The following MPP7 variants were observed in gnomAD, a reference collection of about 807,000 sequenced individuals.
MPP7 encodes MAGUK p55 subfamily member 7.
In MPP7, 60 loss-of-function variants were observed where a neutral mutation model predicts 76.5. The observed-to-expected ratio is 0.78, with a 90% CI of 0.64 to 0.97. The LOEUF (loss-of-function observed/expected upper bound fraction) is 0.97. Ranked by LOEUF, MPP7 falls within the 50% of genes least tolerant of loss-of-function variation. The pLI, the probability that MPP7 is intolerant of heterozygous loss-of-function variation, is 0.00. For missense variants in MPP7, 641 were observed against 694.0 expected (o/e 0.92, Z 0.86); for synonymous variants, 237 against 244.5 (o/e 0.97, Z 0.29).
chr10:28,167,755 C>T (rs1050979213), intron 3 of MPP7, among the ~76,000 whole-genome samples: 2 of 152,094 alleles, frequency 1.3e-5, no homozygotes, highest in Non-Finnish European at 2.9e-5. Flanking sequence ...AATATTTTTA[C>T]GTTAACATCA....
intron 3 of MPP7, among the ~76,000 whole-genome samples, chr10:28,151,213 G>A (rs545548280): frequency 8.3e-4 from 126 of 152,296 alleles, no homozygotes; most frequent in Middle Eastern, 3.4e-3. Context: ...AGTACACAAT[G>A]TAAAGCTTCA....
chr10:28,118,365 T>G (rs1834723826), intron 11 of MPP7: 2 of 977,954 alleles, frequency 2.0e-6, no homozygotes, highest in African/African-American at 3.5e-5. Context: ...ATTTCTAAGT[T>G]GCCTAGGACT....
chr10:28,217,466 G>A (rs1365726819), intron 2 of MPP7, among the ~76,000 whole-genome samples: 2 of 150,760 alleles, frequency 1.3e-5, no homozygotes, highest in East Asian at 4.0e-4. Flanking sequence ...GGCAGAGGTT[G>A]CAGTGAGCCG....
chr10:28,260,068 C>T (rs549341664), intron 1 of MPP7, among the ~76,000 whole-genome samples: 65 of 152,288 alleles, frequency 4.3e-4, no homozygotes, highest in African/African-American at 1.5e-3. Flanking sequence ...CATGTCCATA[C>T]TTAGGAAACA....
chr10:28,062,531 A>ACACAC (rs1851828914), intron 13 of MPP7, among the ~76,000 whole-genome samples: 1 of 132,298 alleles, frequency 7.6e-6, no homozygotes, highest in Non-Finnish European at 1.6e-5. Flanking sequence ...CATAATAGTA[A>ACACAC]ACACACACAC....
At chr10:28,279,940 A>AC (rs1251554636) in intron 1 of MPP7, among the ~76,000 whole-genome samples, 1 of 152,068 alleles carries the variant, frequency 6.6e-6, no homozygotes, top group Non-Finnish European at 1.5e-5. Context: ...CCAAGGTAAG[A>AC]ACTTGATGTG....
intron 3 of MPP7, among the ~76,000 whole-genome samples, chr10:28,174,267 A>G (rs1164878977): frequency 6.6e-6 from 1 of 152,192 alleles, no homozygotes; most frequent in Non-Finnish European, 1.5e-5. Flanking sequence ...GGCCCCACTA[A>G]GTCTCATGTT....
In MPP7 at chr10:28,051,359, T is replaced by G. The variant is rs543107477; in HGVS notation, c.*2706A>C. 6.6e-6 allele frequency: 1 copy of G among 152,352 alleles called. No individual in the cohort carries two copies. The highest frequency in any genetic ancestry group is 2.4e-5 in the African/African-American group (1 of 41,588). 9.4% of individuals were successfully genotyped at this position (152,352 alleles called of 1,614,324 possible). ...TTAGATACATTCAATCATTACACAA[T>G]ACCAGGAAGGTCAGCCTTAAAGATA... On this transcript the variant is annotated 3_prime_UTR_variant, in exon 17 of 17. Transcript: ENST00000683449.
chr10:28,238,583 A>G lies in MPP7; in HGVS notation c.22T>C (p.Ser8Pro). Residue 8 changes from serine to proline, a missense_variant, in exon 2 of 17, where the codon TCT becomes CCT. Physicochemically the swap from Ser to Pro is moderately conservative, Grantham distance 74. Transcript: ENST00000683449. Reference sequence around the variant, plus strand: ...GGTCACATACCAGTGTCACTCCCAGATCCCGTTGACAAAGCTGGCATGATG... The same window carrying G: ...GGTCACATACCAGTGTCACTCCCAGGTCCCGTTGACAAAGCTGGCATGATG... MPALSTG[S>P]GSDTGLYELL... The G allele has an allele frequency of 6.2e-7, 1 of 1,614,164 alleles. No individual in the cohort carries two copies.
intron 5 of MPP7, among the ~76,000 whole-genome samples, chr10:28,140,130 A>G (rs942395697): frequency 1.3e-5 from 2 of 152,258 alleles, no homozygotes; most frequent in African/African-American, 4.8e-5. Flanking sequence ...ACCAAATTTA[A>G]GAGAAAGCCG....
intron 2 of MPP7, among the ~76,000 whole-genome samples, chr10:28,220,376 C>A (rs1838460632): frequency 6.6e-6 from 1 of 152,060 alleles, no homozygotes; most frequent in African/African-American, 2.4e-5. Flanking sequence ...ACCATCCTTT[C>A]CAAAAATCGA....
At chr10:28,061,244 G>C (rs1166042329) in intron 13 of MPP7, among the ~76,000 whole-genome samples, 1 of 152,028 alleles carries the variant, frequency 6.6e-6, no homozygotes, top group African/African-American at 2.4e-5. Context: ...CTGGAAGTTA[G>C]ATTAGACATA....
At chr10:28,308,721 T>C (rs1270436807) in intron 2 of MPP7, among the ~76,000 whole-genome samples, 1 of 151,766 alleles carries the variant, frequency 6.6e-6, no homozygotes, top group Non-Finnish European at 1.5e-5. Context: ...GAGGCTGCAG[T>C]GAGCTATGAT....
intron 1 of MPP7, among the ~76,000 whole-genome samples, chr10:28,283,900 T>C (rs1016770492): frequency 2.6e-5 from 4 of 152,196 alleles, no homozygotes; most frequent in African/African-American, 9.6e-5. Flanking sequence ...ATACACAGCC[T>C]GTCCCAAAGG....
chr10:28,227,652 G>T (rs1304081285), intron 2 of MPP7, among the ~76,000 whole-genome samples: 9 of 152,092 alleles, frequency 5.9e-5, no homozygotes, highest in Non-Finnish European at 1.3e-4. Flanking sequence ...GGTTGATCTT[G>T]TTCCTTTTTA....
intron 2 of MPP7, 116 bp downstream of exon 2, chr10:28,238,452 T>C: frequency 9.2e-7 from 1 of 1,087,154 alleles, no homozygotes; most frequent in Admixed American, 1.9e-5. Flanking sequence ...TCCCTAGTGT[T>C]GGTGACAGAA....
intron 2 of MPP7, among the ~76,000 whole-genome samples, chr10:28,316,173 A>C (rs999421997): frequency 4.6e-5 from 7 of 152,204 alleles, no homozygotes; most frequent in African/African-American, 7.2e-5. Context: ...ATGGTGGCTC[A>C]CGCCTGTAAT....
chr10:28,316,784 T>C lies in MPP7; in HGVS notation c.-132+13145A>G, dbSNP rs139427076. Among the ~76,000 whole-genome samples, 1,004 of 152,312 alleles carry C rather than the reference T, an allele frequency of 6.6e-3. 5 individuals are homozygous for C. The highest frequency in any genetic ancestry group is 9.3e-3 in the Non-Finnish European group (636 of 68,030). ...ACACTCAAGACTTGAGTAGGAAAAG[T>C]TAAGTTTTCAGCAGCTCTTTCCTGT... On this transcript the variant is annotated intron_variant, in intron 2 of 11. Transcript: ENST00000441595.
At chr10:28,118,592 A>G (rs891759331) in intron 11 of MPP7, 3 of 985,282 alleles carry the variant, frequency 3.0e-6, no homozygotes, top group South Asian at 9.4e-5. Flanking sequence ...GAACAGTGCA[A>G]TATTCTCACG....
Sources: gnomAD v4.1 joint callset for allele counts (sites outside exome capture counted in the v4.1 genomes callset) on GRCh38, gnomAD v4.1.1 for gene constraint, MANE v1.5 for transcripts, NCBI Gene and HGNC (gene_info 2026-07-23, HGNC 2026-07-21) for gene names.